Variants in EOLA2 observed in about 807,000 individuals in gnomAD.
EOLA2 encodes the protein endothelium and lymphocyte associated ASCH domain 2, also known as protein EOLA2.
In EOLA2, 3 loss-of-function variants were observed where a neutral mutation model predicts 4.1. The ratio of observed to expected loss-of-function variants is 0.73; its 90% CI spans 0.33 to 1.89. EOLA2 has a LOEUF of 1.89. Among genes scored for constraint, EOLA2 ranks in the 40% most tolerant of loss-of-function variants. The probability of loss-of-function intolerance (pLI) is 0.08; values close to 1 mark genes in which losing one functional copy is unlikely to be tolerated. For synonymous variants in EOLA2, 52 were observed against 51.7 expected (o/e 1.01, Z -0.03); for missense variants, 109 against 126.4 (o/e 0.86, Z 0.66).
chrX:149,938,373 G>T lies in EOLA2; in HGVS notation c.-391C>A, dbSNP rs1179583568. 8.9e-6 allele frequency: 1 copy of T among 112,962 alleles called. No homozygotes were observed. The highest frequency in any genetic ancestry group is 1.9e-5 in the Non-Finnish European group (1 of 53,317). The allele number at this position is 112,962 out of a possible 1,213,427, so 9.3% of individuals were successfully genotyped here. A position where few individuals can be genotyped will look rare whatever the true frequency, so the allele number is the denominator to read the frequency against. On this transcript the variant is annotated 5_prime_UTR_variant, in exon 1 of 5. Transcript: ENST00000370406. ...GAGAGAGCACCCGGCTCGTGTCAGGGCTGTAAGGTAGCTGCCGCTTACTCC... is the reference window on the plus strand; with the variant it reads ...GAGAGAGCACCCGGCTCGTGTCAGGTCTGTAAGGTAGCTGCCGCTTACTCC...
rs2091052338 is a variant in EOLA2, at chrX:149,938,248, G to A, written c.-266C>T. 8.8e-6 allele frequency: 1 copy of A among 113,007 alleles called. No homozygotes were observed. The highest frequency in any genetic ancestry group is 3.2e-5 in the African/African-American group (1 of 31,170). The allele number at this position is 113,007 out of a possible 1,213,427, so 9.3% of individuals were successfully genotyped here. ...GGACCCTGAGAGTCGTGGGCGTTCA[G>A]GGCCGACTCTGGCTTTTGGCCTCAG... On this transcript the variant is annotated 5_prime_UTR_variant, in exon 1 of 5. Transcript: ENST00000370406.
In EOLA2 at chrX:149,934,229, C is replaced by T. The variant is rs1225913196; in HGVS notation, c.-162-92G>A. On this transcript the variant is annotated intron_variant, in intron 2 of 4. Transcript: ENST00000370406. ...CAACACAGAGGACAGAGGGCCCCCTCGGCCTAGCCAGAGCGGAGAGTCGGG... is the reference window on the plus strand; with the variant it reads ...CAACACAGAGGACAGAGGGCCCCCTTGGCCTAGCCAGAGCGGAGAGTCGGG... 5.6e-5 allele frequency: 45 copies of T among 800,118 alleles called. 1 individual carries two copies. Among genetic ancestry groups the T allele is most frequent in the South Asian group, 1.5e-4 (3 of 20,260 alleles). The allele number at this position is 800,118 out of a possible 1,213,427, so 65.9% of individuals were successfully genotyped here. A position where few individuals can be genotyped will look rare whatever the true frequency, so the allele number is the denominator to read the frequency against.
Position 149,934,872 on chromosome X carries a change from T to C in EOLA2, c.-162-735A>G, listed in dbSNP as rs142492741. On this transcript the variant is annotated intron_variant, in intron 2 of 4. Coordinates refer to ENST00000370406, the MANE Select transcript of EOLA2 (RefSeq NM_001013845.2). Reference sequence around the variant, plus strand: ...TGTGCCTTGGAAGGAACCCTGGGCTTGAAACCAGAACCTCAGCCCAGTCAT... The same window carrying C: ...TGTGCCTTGGAAGGAACCCTGGGCTCGAAACCAGAACCTCAGCCCAGTCAT... 2.1e-3 allele frequency among the ~76,000 whole-genome samples: 238 copies of C among 112,328 alleles called. 1 individual carries two copies. The highest frequency in any genetic ancestry group is 3.2e-3 in the Non-Finnish European group (168 of 53,153).
At position 149,933,667 on chromosome X, in the gene EOLA2, C is replaced by G; in HGVS notation, c.208G>C (p.Ala70Pro). 8.3e-6 allele frequency: 10 copies of G among 1,207,454 alleles called. No homozygotes were observed. The highest frequency in any genetic ancestry group is 1.1e-5 in the Non-Finnish European group (10 of 894,933). Residue 70 changes from alanine to proline, a missense_variant, in exon 4 of 5, where the codon GCC becomes CCC. Coordinates refer to ENST00000370406, the MANE Select transcript of EOLA2 (RefSeq NM_001013845.2). ...AACTTTTCCCCTTTCCTGAGCAAGG[C>G]CTGAATCTGAGCAGGAGTCATCCCG... ...RLGMTPAQIQALLRKGEKFGR... is the reference protein window; with the variant it reads ...RLGMTPAQIQPLLRKGEKFGR...
At chrX:149,932,157 T>C (rs1300763360), downstream of EOLA2, 3 of 744,468 alleles carry the variant, frequency 4.0e-6, no homozygotes, top group Non-Finnish European at 4.9e-6. Flanking sequence ...CCAGAACAAA[T>C]CAGGGGAAAA....
Position 149,933,741 on chromosome X carries a change from T to C in EOLA2, c.134A>G (p.His45Arg). The C allele has an allele frequency of 8.3e-7, 1 of 1,206,863 alleles. No individual in the cohort carries two copies. The highest frequency in any genetic ancestry group is 3.0e-5 in the East Asian group (1 of 33,726). Residue 45 changes from histidine (H) to arginine (R), a missense_variant, in exon 4 of 5, where the codon CAC (histidine) becomes CGC (arginine). By Grantham distance (29) the His-to-Arg change is conservative (BLOSUM62 0). Transcript: ENST00000370406. Reference sequence around the variant, plus strand: ...ACAGGCATCGCCTTCCCAGTCCCTGTGAGCAATGTGGACGGCGATGGTACA... The same window carrying C: ...ACAGGCATCGCCTTCCCAGTCCCTGCGAGCAATGTGGACGGCGATGGTACA... ...RNCTIAVHIA[H>R]RDWEGDACRE...
downstream of EOLA2, chrX:149,931,315 C>G (rs781984209): frequency 6.5e-3 from 2,306 of 352,956 alleles, no homozygotes; most frequent in Middle Eastern, 9.0e-3. Flanking sequence ...TTTTAACCTT[C>G]TATATTATAT....
Position 149,933,777 on chromosome X carries a change from C to T in EOLA2, c.98G>A (p.Ser33Asn). Residue 33 changes from serine to asparagine, a missense_variant, in exon 4 of 5, where the codon AGC becomes AAC. By Grantham distance (46) the Ser-to-Asn change is conservative. Coordinates refer to ENST00000370406, the MANE Select transcript of EOLA2 (RefSeq NM_001013845.2). ...GACGGCGATGGTACAGTTCCGCTGG[C>T]TGCTCAGCAGAGGACGCCAGCGCGT... ...VETRWRPLLS[S>N]QRNCTIAVHI... The T allele has an allele frequency of 8.3e-6, 10 of 1,202,708 alleles. No individual in the cohort carries two copies. Among genetic ancestry groups the T allele is most frequent in the Non-Finnish European group, 1.1e-5 (10 of 890,424 alleles).
intron 1 of EOLA2, 22 bp from the exon 2 acceptor site, chrX:149,937,502 G>C (rs1387385618): frequency 1.8e-6 from 1 of 558,492 alleles, no homozygotes; most frequent in Non-Finnish European, 2.2e-6. Flanking sequence ...GGAAGATAAA[G>C]AGGAAAGGTC....
At chrX:149,930,948 C>T (rs2090866045), downstream of EOLA2, 10 of 926,481 alleles carry the variant, frequency 1.1e-5, no homozygotes, top group African/African-American at 2.1e-5. Flanking sequence ...TTTACATCTT[C>T]GGCTACTACC....
At chrX:149,935,905 G>C (rs1239049003) in intron 2 of EOLA2, among the ~76,000 whole-genome samples, 2 of 108,320 alleles carry the variant, frequency 1.8e-5, no homozygotes, top group Non-Finnish European at 3.8e-5. Flanking sequence ...GTCCAAAACC[G>C]ACACTGAATC....
At chrX:149,937,936 C>A (rs782573281) in intron 1 of EOLA2, among the ~76,000 whole-genome samples, 1 of 112,887 alleles carries the variant, frequency 8.9e-6, no homozygotes, top group East Asian at 2.8e-4. Flanking sequence ...GCACAGGGGC[C>A]AAGCGGGAGG....
rs626113 is a variant in EOLA2, at chrX:149,933,788, A to G, written c.87T>C (p.Pro29=). Residue 29 remains proline, a synonymous_variant, in exon 4 of 5, where the codon CCT becomes CCC. Transcript: ENST00000370406. ...TACAGTTCCGCTGGCTGCTCAGCAG[A>G]GGACGCCAGCGCGTCTCCACAGTCT... The part of the protein sequence containing the change: ...GIKTVETRWR[P]LLSSQRNCTI... 18,228 of 1,183,184 alleles carry G rather than the reference A, an allele frequency of 0.015. 572 individuals carry two copies. Among genetic ancestry groups the G allele is most frequent in the African/African-American group, 0.039 (1,934 of 50,124 alleles).
downstream of EOLA2, chrX:149,931,020 CTT>C: frequency 2.1e-6 from 2 of 934,703 alleles, no homozygotes. Context: ...AGTGTAATGT[CTT>C]TGTACAATAT....
intron 1 of EOLA2, 128 bp downstream of exon 1, chrX:149,938,065 C>T (rs1482570439): frequency 2.7e-5 from 3 of 113,132 alleles, no homozygotes; most frequent in African/African-American, 9.6e-5. Context: ...CAAGGGACAC[C>T]AAAGGGCGCT....
At chrX:149,937,244 C>T (rs2091020001) in intron 2 of EOLA2, among the ~76,000 whole-genome samples, 189 bp downstream of exon 2, 2 of 112,360 alleles carry the variant, frequency 1.8e-5, no homozygotes, top group Admixed American at 1.9e-4. Context: ...TGGCCACTTC[C>T]ATCGGGATAA....
chrX:149,932,678 T>C lies in EOLA2; in HGVS notation c.343A>G (p.Asn115Asp), dbSNP rs1335131709. 1 of 1,208,557 alleles carries C rather than the reference T, an allele frequency of 8.3e-7. No individual in the cohort carries two copies. ...VELENQAALT[N>D]LKQKYLTVIS... ...ACAGTCAGGTACTTCTGCTTCAGGTTGGTCAGTGCAGCTTGATTTTCTAGT... is the reference window on the plus strand; with the variant it reads ...ACAGTCAGGTACTTCTGCTTCAGGTCGGTCAGTGCAGCTTGATTTTCTAGT... Residue 115 changes from asparagine (N) to aspartate (D), a missense_variant, in exon 5 of 5, where the codon AAC becomes GAC. Transcript: ENST00000370406.
intron 2 of EOLA2, 45 bp downstream of exon 2, chrX:149,937,388 A>T: frequency 1.8e-6 from 1 of 542,574 alleles, no homozygotes; most frequent in Middle Eastern, 9.2e-4. Context: ...CTGAAAAGGC[A>T]AGAAGGGGGT....
At chrX:149,931,217 A>AAC, downstream of EOLA2, 1 of 813,980 alleles carries the variant, frequency 1.2e-6, no homozygotes, top group Non-Finnish European at 1.6e-6. Context: ...TCTAATGAGA[A>AAC]ACACATTTTT....
Sources: allele counts gnomAD v4.1 joint callset (sites outside exome capture counted in the v4.1 genomes callset), GRCh38; gene constraint gnomAD v4.1.1; transcripts MANE v1.5; gene names NCBI Gene and HGNC (gene_info 2026-07-23, HGNC 2026-07-21).